Variants in USP2 observed in about 807,000 individuals in gnomAD.
USP2 encodes ubiquitin carboxyl-terminal hydrolase 2.
USP2 carries 33 observed loss-of-function variants against 72.0 expected under a neutral mutation model. The observed-to-expected ratio is 0.46, with a 90% CI of 0.35 to 0.61. The LOEUF (loss-of-function observed/expected upper bound fraction) is 0.61, where lower values mean the gene tolerates loss of function less well. Ranked by LOEUF, USP2 falls within the 20% of genes least tolerant of loss-of-function variation. USP2 has a pLI of 0.01. For synonymous variants in USP2, 296 were observed against 312.5 expected (o/e 0.95, Z 0.56); for missense variants, 691 against 797.8 (o/e 0.87, Z 1.61).
In USP2 at chr11:119,364,143, C is replaced by T. The variant is rs947743768; in HGVS notation, c.775-3909G>A. ...CCGCGGCGCCCGAACGCGCGCTCCT[C>T]CGCCTCAACCTCCCCGGCGTGCGCC... On this transcript the variant is annotated intron_variant, in intron 2 of 12. Transcript: ENST00000260187. 2.3e-4 allele frequency: 274 copies of T among 1,216,282 alleles called. 2 individuals carry two copies. In the Middle Eastern group the frequency reaches 3.5e-3, roughly 16 times the overall value. 75.3% of individuals were successfully genotyped at this position (1,216,282 alleles called of 1,614,324 possible).
At position 119,372,789 on chromosome 11, in the gene USP2, A is replaced by ACC; in HGVS notation, c.691_692insGG (p.Ile231ArgfsTer29). 1 of 1,596,886 alleles carries ACC rather than the reference A, an allele frequency of 6.3e-7. No homozygotes were observed. The highest frequency in any genetic ancestry group is 8.5e-7 in the Non-Finnish European group (1 of 1,172,516). On this transcript the variant is annotated frameshift_variant, in exon 2 of 13. Coordinates refer to ENST00000260187, the MANE Select transcript of USP2 (RefSeq NM_004205.5). LOFTEE classifies it high-confidence loss of function. ...CGTCTCCCACAGCGTGTAGCGGCCA[A>ACC]TGGGTCGGTAGGTTGGGCTGATGAT...
chr11:119,378,343 T>C (rs1277655991), intron 1 of USP2, among the ~76,000 whole-genome samples: 1 of 151,814 alleles, frequency 6.6e-6, no homozygotes, highest in Non-Finnish European at 1.5e-5. Context: ...CGGGGGCATA[T>C]TTATGCTCAA....
rs1470065523 is a variant in USP2, at chr11:119,373,293, G to T, written c.188C>A (p.Pro63His). The change falls in exon 2 of 13, where the codon CCC becomes CAC. Residue 63 changes from proline (P) to histidine (H), a missense_variant. Transcript: ENST00000260187. Reference sequence around the variant, plus strand: ...GAGGGAGGAGGGGCCATAGGTACGGGGACGGGTGAGGAAGCTGCTGGTGGG... The same window carrying T: ...GAGGGAGGAGGGGCCATAGGTACGGTGACGGGTGAGGAAGCTGCTGGTGGG... ...PVPTSSFLTR[P>H]RTYGPSSLLD... is the part of the protein sequence containing the mutation. The T allele has an allele frequency of 6.2e-7, 1 of 1,613,706 alleles. No individual in the cohort carries two copies. Among genetic ancestry groups the T allele is most frequent in the Admixed American group, 1.7e-5 (1 of 60,002 alleles).
At chr11:119,370,872 G>A (rs571841270) in intron 2 of USP2, among the ~76,000 whole-genome samples, 1 of 152,202 alleles carries the variant, frequency 6.6e-6, no homozygotes, top group African/African-American at 2.4e-5. Context: ...GAGGAGCCAG[G>A]GTTGTCCCTT....
chr11:119,376,392 C>T, intron 1 of USP2: 3 of 985,650 alleles, frequency 3.0e-6, no homozygotes, highest in Middle Eastern at 5.2e-4. Context: ...TTTCATGGGG[C>T]AGTGGGAGGC....
chr11:119,364,099 G>C (rs1436265526), intron 2 of USP2: 7 of 1,257,226 alleles, frequency 5.6e-6, no homozygotes, highest in Non-Finnish European at 7.0e-6. Context: ...AGGCCGGCGA[G>C]ACCGCTACAG....
intron 2 of USP2, among the ~76,000 whole-genome samples, chr11:119,370,022 A>G (rs1205302921): frequency 5.3e-5 from 8 of 152,160 alleles, no homozygotes; most frequent in Non-Finnish European, 1.5e-5. Context: ...CTAAAAATAC[A>G]AAATTAGCCT....
intron 1 of USP2, among the ~76,000 whole-genome samples, 191 bp from the exon 2 acceptor site, chr11:119,373,712 C>T (rs1197001040): frequency 1.3e-5 from 2 of 152,184 alleles, no homozygotes; most frequent in Non-Finnish European, 2.9e-5. Context: ...TGTGTTCACA[C>T]CTCGGTGAGA....
chr11:119,369,523 G>A (rs1232523244), intron 2 of USP2, among the ~76,000 whole-genome samples: 1 of 152,042 alleles, frequency 6.6e-6, no homozygotes, highest in Non-Finnish European at 1.5e-5. Flanking sequence ...TCTCCCACGG[G>A]GTTGGTGGGG....
intron 7 of USP2, 92 bp downstream of exon 7, chr11:119,358,680 TC>T (rs933085542): frequency 2.7e-6 from 4 of 1,455,300 alleles, no homozygotes; most frequent in Non-Finnish European, 3.9e-6. Flanking sequence ...GAAACAGGCT[TC>T]CCCGGGAGAG....
At chr11:119,358,378 GCAATCT>G in intron 7 of USP2, 126 bp from the exon 8 acceptor site, 2 of 833,814 alleles carry the variant, frequency 2.4e-6, no homozygotes, top group South Asian at 3.2e-5. Flanking sequence ...GTGCAGTGGT[GCAATCT>G]CAGCTCACAA....
chr11:119,360,513 T>A, intron 2 of USP2: 1 of 485,082 alleles, frequency 2.1e-6, no homozygotes, highest in Non-Finnish European at 3.9e-6. Context: ...AACCTCCACC[T>A]CGTGGGTTCA....
intron 1 of USP2, chr11:119,379,089 G>T: frequency 1.0e-6 from 1 of 985,584 alleles, no homozygotes; most frequent in African/African-American, 1.7e-5. Context: ...CCCAGAAGCT[G>T]GAGCCTGACT....
chr11:119,361,138 G>C (rs149993556), intron 2 of USP2, among the ~76,000 whole-genome samples: 97 of 152,322 alleles, frequency 6.4e-4, no homozygotes, highest in Non-Finnish European at 1.1e-3. Flanking sequence ...TTAAAGACTC[G>C]GAGAATCCTC....
chr11:119,362,567 A>G (rs1950780572), intron 2 of USP2, among the ~76,000 whole-genome samples: 1 of 152,124 alleles, frequency 6.6e-6, no homozygotes, highest in Non-Finnish European at 1.5e-5. Flanking sequence ...CCAGCCAGAT[A>G]TTCTTCTGCC....
At chr11:119,379,804 T>C (rs1023192198) in intron 1 of USP2, among the ~76,000 whole-genome samples, 2 of 152,182 alleles carry the variant, frequency 1.3e-5, no homozygotes, top group African/African-American at 4.8e-5. Flanking sequence ...GATGATTATA[T>C]TGAATACTTC....
intron 2 of USP2, among the ~76,000 whole-genome samples, chr11:119,369,856 C>G (rs1236710923): frequency 6.6e-6 from 1 of 152,110 alleles, no homozygotes; most frequent in African/African-American, 2.4e-5. Flanking sequence ...CAAGAACACC[C>G]AGGGCTGCCT....
In USP2 at chr11:119,359,089, G is replaced by A; in HGVS notation, c.1107C>T (p.Leu369=). ...GTGTCACTCGGTTCACCTCGTTATG[G>A]AGCCCATCCAGAAGAAAGCGAAGGA... ...QEFLRFLLDG[L]HNEVNRVTLR... is the part of the protein sequence containing the mutation. Residue 369 remains leucine, a synonymous_variant, in exon 6 of 13, where the codon CTC becomes CTT. Coordinates refer to ENST00000260187, the MANE Select transcript of USP2 (RefSeq NM_004205.5). The A allele has an allele frequency of 1.9e-6, 3 of 1,614,060 alleles. No individual in the cohort carries two copies. The highest frequency in any genetic ancestry group is 2.5e-6 in the Non-Finnish European group (3 of 1,180,038).
intron 2 of USP2, chr11:119,360,450 A>C (rs1230384651): frequency 6.6e-6 from 4 of 605,964 alleles, no homozygotes; most frequent in African/African-American, 5.6e-5. Context: ...TTGAGACGGA[A>C]TCTCACGCTG....
Sources: allele counts gnomAD v4.1 joint callset (sites outside exome capture counted in the v4.1 genomes callset), GRCh38; gene constraint gnomAD v4.1.1; transcripts MANE v1.5; gene names NCBI Gene and HGNC (gene_info 2026-07-23, HGNC 2026-07-21).